The following NTM variants were observed in gnomAD, a reference collection of about 807,000 sequenced individuals.
NTM encodes neurotrimin.
In NTM, 13 loss-of-function variants were observed where a neutral mutation model predicts 42.1. The observed-to-expected ratio is 0.31, with a 90% CI of 0.20 to 0.49. The LOEUF (loss-of-function observed/expected upper bound fraction) is 0.49. Among genes scored for constraint, NTM ranks in the 20% least tolerant of loss-of-function variants. The pLI, the probability that NTM is intolerant of heterozygous loss-of-function variation, is 0.99. For missense variants in NTM, 373 were observed against 452.8 expected (o/e 0.82, Z 1.60); for synonymous variants, 187 against 179.2 (o/e 1.04, Z -0.35).
intron 1 of NTM, among the ~76,000 whole-genome samples, chr11:131,371,491 T>C (rs1338457419): frequency 2.0e-5 from 3 of 152,068 alleles, no homozygotes; most frequent in African/African-American, 7.2e-5. Flanking sequence ...GTCGGAGGTG[T>C]GGAAGCGAGG....
At chr11:132,023,088 G>A (rs973221838) in intron 2 of NTM, among the ~76,000 whole-genome samples, 12 of 152,196 alleles carry the variant, frequency 7.9e-5, no homozygotes, top group Non-Finnish European at 1.6e-4. Context: ...TGGGTTTGCA[G>A]AGGGGAAAAT....
chr11:131,948,757 G>A (rs2060654273), intron 2 of NTM, among the ~76,000 whole-genome samples: 1 of 152,164 alleles, frequency 6.6e-6, no homozygotes, highest in Non-Finnish European at 1.5e-5. Flanking sequence ...CCGCCCCAGT[G>A]CTAGGCAATC....
In NTM at chr11:131,570,620, C is replaced by G. The variant is rs111734999; in HGVS notation, c.82+199732C>G. The stretch of plus-strand genomic sequence containing the variant: ...TGGGTGGATCATGAAGTCAAGAGAT[C>G]GAGAGTATCCTGGCCAACATGGTGA... On this transcript the variant is annotated intron_variant, in intron 1 of 8. Coordinates refer to ENST00000683400, the MANE Select transcript of NTM (RefSeq NM_001352005.2). 3.4e-3 allele frequency among the ~76,000 whole-genome samples: 510 copies of G among 152,112 alleles called. 2 individuals carry two copies. The highest frequency in any genetic ancestry group is 0.012 in the African/African-American group (491 of 41,476).
At chr11:131,439,506 T>A (rs1354808567) in intron 1 of NTM, among the ~76,000 whole-genome samples, 2 of 152,204 alleles carry the variant, frequency 1.3e-5, no homozygotes, top group African/African-American at 4.8e-5. Flanking sequence ...TACTCAAGTC[T>A]CAGCAATGGT....
intron 1 of NTM, among the ~76,000 whole-genome samples, chr11:131,800,310 T>G (rs1293952047): frequency 6.6e-6 from 1 of 152,194 alleles, no homozygotes; most frequent in Non-Finnish European, 1.5e-5. Flanking sequence ...CCAAGCAGGC[T>G]AAACGGTTTT....
At chr11:131,890,021 A>G (rs1290038918) in intron 1 of NTM, among the ~76,000 whole-genome samples, 1 of 151,802 alleles carries the variant, frequency 6.6e-6, no homozygotes, top group African/African-American at 2.4e-5. Flanking sequence ...AGCCCACCCA[A>G]AGCTCATCTC....
At chr11:131,943,716 T>A (rs2060049420) in intron 2 of NTM, among the ~76,000 whole-genome samples, 2 of 152,242 alleles carry the variant, frequency 1.3e-5, no homozygotes, top group African/African-American at 4.8e-5. Context: ...TCCTTTTTTT[T>A]GTCTCTCTCT....
At chr11:131,451,850 C>A (rs1194994346) in intron 1 of NTM, among the ~76,000 whole-genome samples, 1 of 152,036 alleles carries the variant, frequency 6.6e-6, no homozygotes, top group East Asian at 1.9e-4. Context: ...CAGTGGCCTG[C>A]AAGGAGACCA....
intron 1 of NTM, chr11:131,534,670 T>G (rs896491231): frequency 2.6e-5 from 4 of 152,214 alleles, no homozygotes; most frequent in African/African-American, 9.6e-5. Context: ...AGCACAGGAC[T>G]GGAAGAAAAA....
chr11:132,312,979 A>C (rs1215208243), intron 6 of NTM, among the ~76,000 whole-genome samples: 2 of 152,156 alleles, frequency 1.3e-5, no homozygotes, highest in East Asian at 3.9e-4. Flanking sequence ...ACATCTACAT[A>C]ATGAAAAGCA....
intron 3 of NTM, among the ~76,000 whole-genome samples, chr11:132,154,051 G>A (rs544248210): frequency 2.0e-5 from 3 of 152,276 alleles, no homozygotes; most frequent in African/African-American, 4.8e-5. Flanking sequence ...AAGGCTGAAC[G>A]TGTATGTTGT....
intron 1 of NTM, among the ~76,000 whole-genome samples, chr11:131,394,658 A>G (rs958326250): frequency 2.0e-5 from 3 of 152,286 alleles, no homozygotes; most frequent in South Asian, 2.1e-4. Flanking sequence ...TTCAGGACCA[A>G]CGAAGGCTAT....
intron 1 of NTM, among the ~76,000 whole-genome samples, chr11:131,426,009 G>T (rs1948102417): frequency 6.6e-6 from 1 of 152,236 alleles, no homozygotes; most frequent in South Asian, 2.1e-4. Flanking sequence ...GGCTGATAGT[G>T]GTGGAGATGC....
At chr11:131,646,392 A>G (rs2065775086) in intron 1 of NTM, among the ~76,000 whole-genome samples, 2 of 152,208 alleles carry the variant, frequency 1.3e-5, no homozygotes, top group South Asian at 2.1e-4. Context: ...CAAAGAAAAA[A>G]AATTCTACAA....
At chr11:132,190,948 T>G (rs947789121) in intron 3 of NTM, among the ~76,000 whole-genome samples, 3 of 152,048 alleles carry the variant, frequency 2.0e-5, no homozygotes, top group Admixed American at 1.3e-4. Context: ...TTATTTGTTT[T>G]TTTTTGTCAT....
intron 1 of NTM, among the ~76,000 whole-genome samples, chr11:131,382,691 G>C (rs944246848): frequency 6.6e-6 from 1 of 152,064 alleles, no homozygotes; most frequent in South Asian, 2.1e-4. Flanking sequence ...GGCATCCTTC[G>C]TTCTTTCTTG....
At chr11:132,219,174 C>G (rs550133553) in intron 4 of NTM, among the ~76,000 whole-genome samples, 43 of 152,194 alleles carry the variant, frequency 2.8e-4, no homozygotes, top group African/African-American at 1.0e-3. Flanking sequence ...GAGTTCTGCC[C>G]TTGTTTCAAG....
At chr11:131,834,083 T>C (rs894121598) in intron 1 of NTM, among the ~76,000 whole-genome samples, 1 of 152,180 alleles carries the variant, frequency 6.6e-6, no homozygotes, top group Non-Finnish European at 1.5e-5. Flanking sequence ...TTTATCCTGA[T>C]ATCTTCTCTT....
chr11:132,081,944 ATATT>A (rs2059120085), intron 2 of NTM, among the ~76,000 whole-genome samples: 3 of 127,626 alleles, frequency 2.4e-5, no homozygotes, highest in South Asian at 2.2e-4. Flanking sequence ...TCATATATAT[ATATT>A]TATATATATA....
Sources: allele counts gnomAD v4.1 joint callset (sites outside exome capture counted in the v4.1 genomes callset), GRCh38; gene constraint gnomAD v4.1.1; transcripts MANE v1.5; gene names NCBI Gene and HGNC (gene_info 2026-07-23, HGNC 2026-07-21).